The following ADORA2B variants were observed in gnomAD, a reference collection of about 807,000 sequenced individuals.
ADORA2B encodes adenosine receptor A2b.
In ADORA2B, 18 loss-of-function variants were observed where a neutral mutation model predicts 20.8. The observed-to-expected ratio is 0.87, with a 90% CI of 0.60 to 1.29. The LOEUF (loss-of-function observed/expected upper bound fraction) is 1.29, where lower values mean the gene tolerates loss of function less well. ADORA2B is among the 50% of genes most tolerant of loss of function. The pLI, the probability that ADORA2B is intolerant of heterozygous loss-of-function variation, is 0.00. For synonymous variants in ADORA2B, 179 were observed against 178.3 expected (o/e 1.00, Z -0.03); for missense variants, 441 against 422.7 (o/e 1.04, Z -0.38).
the ADORA2B span, among the ~76,000 whole-genome samples, chr17:15,860,318 A>G: frequency 1.3e-5 from 2 of 152,166 alleles, no homozygotes; most frequent in African/African-American, 2.4e-5. Flanking sequence ...CTTATCTGCT[A>G]CAGAATGATT....
At chr17:15,953,706 C>G (rs1425293475) in intron 1 of ADORA2B, among the ~76,000 whole-genome samples, 2 of 152,228 alleles carry the variant, frequency 1.3e-5, no homozygotes, top group African/African-American at 4.8e-5. Flanking sequence ...CCATTCCTTT[C>G]CCAGGTCTGC....
intron 1 of ADORA2B, among the ~76,000 whole-genome samples, chr17:15,948,809 C>T (rs1482901368): frequency 1.3e-5 from 2 of 152,142 alleles, no homozygotes; most frequent in Admixed American, 6.5e-5. Context: ...CTCTGTGCCT[C>T]ACGTATCTGG....
At chr17:15,927,511 G>A in the ADORA2B span, among the ~76,000 whole-genome samples, 3 of 152,028 alleles carry the variant, frequency 2.0e-5, no homozygotes, top group African/African-American at 7.2e-5. Flanking sequence ...GCTGGGTGTG[G>A]TGGCGGGTGC....
the ADORA2B span, among the ~76,000 whole-genome samples, chr17:15,936,800 T>C: frequency 6.6e-6 from 1 of 151,938 alleles, no homozygotes; most frequent in African/African-American, 2.4e-5. Context: ...TACAAAAAAA[T>C]TAAAAAATTG....
chr17:15,866,729 C>T, the ADORA2B span, among the ~76,000 whole-genome samples: 6 of 146,480 alleles, frequency 4.1e-5, no homozygotes, highest in Non-Finnish European at 8.8e-5. Flanking sequence ...CTGCCGCTGC[C>T]GCTGCCTCTG....
chr17:15,872,258 T>C, the ADORA2B span, among the ~76,000 whole-genome samples: 4 of 152,208 alleles, frequency 2.6e-5, no homozygotes, highest in Non-Finnish European at 4.4e-5. Context: ...TTAAACTGGT[T>C]TAAATATACA....
At chr17:15,869,593 G>A in the ADORA2B span, among the ~76,000 whole-genome samples, 2 of 152,058 alleles carry the variant, frequency 1.3e-5, no homozygotes, top group African/African-American at 2.4e-5. Flanking sequence ...AGATTTAAAA[G>A]GGAGAAATAA....
chr17:15,960,008 G>A lies in ADORA2B; in HGVS notation c.335+14425G>A, dbSNP rs116207920. Among the ~76,000 whole-genome samples the A allele has an allele frequency of 3.4e-3, 522 of 152,252 alleles. 2 individuals carry two copies. The highest frequency in any genetic ancestry group is 0.012 in the African/African-American group (497 of 41,556). On this transcript the variant is annotated intron_variant, in intron 1 of 1. Transcript: ENST00000304222. ...GACATTAACATTTTCCTCCGGGCAC[G>A]GTGGCTCACACCTGTAATGGGAGCC...
At chr17:15,931,386 T>C in the ADORA2B span, among the ~76,000 whole-genome samples, 1 of 152,234 alleles carries the variant, frequency 6.6e-6, no homozygotes, top group Non-Finnish European at 1.5e-5. Context: ...AAGTGAGATC[T>C]GATATCTTTG....
chr17:15,886,243 G>GTATTTATTTATTTATTTAT, the ADORA2B span, among the ~76,000 whole-genome samples: 3 of 132,870 alleles, frequency 2.3e-5, no homozygotes, highest in Admixed American at 7.3e-5. Flanking sequence ...GAATCTTGTA[G>GTATTTATTTATTTATTTAT]TGGCTCGCCC....
intron 1 of ADORA2B, 193 bp from the exon 2 acceptor site, chr17:15,974,486 T>C: frequency 1.8e-6 from 1 of 542,754 alleles, no homozygotes; most frequent in Non-Finnish European, 3.2e-6. Context: ...ATGAAGATCT[T>C]ACTGAGTTTT....
At chr17:15,854,081 A>G in the ADORA2B span, among the ~76,000 whole-genome samples, 4 of 152,144 alleles carry the variant, frequency 2.6e-5, no homozygotes, top group African/African-American at 7.2e-5. Context: ...TCAGCCTCCC[A>G]AGTAGCTGGT....
chr17:15,908,332 AAAGGGGT>A, the ADORA2B span, among the ~76,000 whole-genome samples: 1 of 152,146 alleles, frequency 6.6e-6, no homozygotes, highest in Non-Finnish European at 1.5e-5. Flanking sequence ...CCGTTTTTGG[AAAGGGGT>A]AGTATCTCCT....
chr17:15,937,986 G>A, the ADORA2B span, among the ~76,000 whole-genome samples: 31 of 152,068 alleles, frequency 2.0e-4, 1 homozygote, highest in Admixed American at 9.2e-4. Flanking sequence ...AGGCAACTGC[G>A]GTTTAAACTT....
the ADORA2B span, among the ~76,000 whole-genome samples, chr17:15,887,653 AT>A: frequency 2.3e-5 from 3 of 128,388 alleles, 1 homozygote; most frequent in South Asian, 6.9e-4. Flanking sequence ...ATTTTTTTAA[AT>A]TTTAAAAGAT....
chr17:15,964,717 A>T (rs1460437895), intron 1 of ADORA2B, among the ~76,000 whole-genome samples: 1 of 151,100 alleles, frequency 6.6e-6, no homozygotes, highest in African/African-American at 2.5e-5. Context: ...TAAAAAAAAA[A>T]CCTTTTATAG....
At chr17:15,960,092 G>T (rs1425995333) in intron 1 of ADORA2B, among the ~76,000 whole-genome samples, 1 of 151,880 alleles carries the variant, frequency 6.6e-6, no homozygotes, top group African/African-American at 2.4e-5. Flanking sequence ...ACACAGCGAG[G>T]CCCCATCTCT....
At chr17:15,901,034 G>A in the ADORA2B span, among the ~76,000 whole-genome samples, 1 of 152,192 alleles carries the variant, frequency 6.6e-6, no homozygotes, top group African/African-American at 2.4e-5. Context: ...CTCACTGAGT[G>A]CCAGCATGCC....
chr17:15,852,775 A>C, the ADORA2B span, among the ~76,000 whole-genome samples: 2 of 152,190 alleles, frequency 1.3e-5, no homozygotes, highest in Non-Finnish European at 2.9e-5. Context: ...AGAGAGGCTT[A>C]AGGAACTAAA....
Sources: gnomAD v4.1 joint callset for allele counts (sites outside exome capture counted in the v4.1 genomes callset) on GRCh38, gnomAD v4.1.1 for gene constraint, MANE v1.5 for transcripts, NCBI Gene and HGNC (gene_info 2026-07-23, HGNC 2026-07-21) for gene names.